The following JMJD1C variants were observed in gnomAD, a reference collection of about 807,000 sequenced individuals.
The protein encoded by JMJD1C is jumonji domain-containing protein 1C.
JMJD1C carries 31 observed loss-of-function variants against 245.3 expected under a neutral mutation model. The observed-to-expected ratio is 0.13, with a 90% CI of 0.09 to 0.17. The LOEUF (loss-of-function observed/expected upper bound fraction) is 0.17. Among genes scored for constraint, JMJD1C ranks in the 10% least tolerant of loss-of-function variants. The pLI is 1.00. For synonymous variants in JMJD1C, 1,057 were observed against 1,017.4 expected (o/e 1.04, Z -0.74); for missense variants, 2,691 against 3,000.2 (o/e 0.90, Z 2.41).
At chr10:63,297,848 T>G (rs1351791045) in intron 2 of JMJD1C, among the ~76,000 whole-genome samples, 6 of 152,020 alleles carry the variant, frequency 3.9e-5, no homozygotes, top group African/African-American at 1.4e-4. Flanking sequence ...ACACTGCAGG[T>G]GACGAGAAAG....
chr10:63,287,696 T>C (rs946891176), intron 2 of JMJD1C, among the ~76,000 whole-genome samples: 4 of 152,156 alleles, frequency 2.6e-5, no homozygotes, highest in African/African-American at 9.7e-5. Flanking sequence ...ACCCTGTAAT[T>C]ATTTGCAAAT....
chr10:63,265,821 A>G lies in JMJD1C; in HGVS notation c.334-1057T>C, dbSNP rs1239329995. 2.6e-5 allele frequency among the ~76,000 whole-genome samples: 4 copies of G among 152,206 alleles called. No individual in the cohort carries two copies. In the East Asian group the frequency reaches 7.7e-4, roughly 29 times the overall value. ...TTGTGTTAATATTTCCACACAAAAC[A>G]AAGATTTTGGCATAGACAGTACAAA... On this transcript the variant is annotated intron_variant, in intron 2 of 25. Transcript: ENST00000399262.
intron 1 of JMJD1C, among the ~76,000 whole-genome samples, chr10:63,497,351 C>T (rs1954396527): frequency 6.6e-6 from 1 of 152,154 alleles, no homozygotes. Flanking sequence ...AATGAAGTAC[C>T]AATAAATGCT....
intron 2 of JMJD1C, among the ~76,000 whole-genome samples, chr10:63,307,380 G>C (rs554093877): frequency 6.6e-6 from 1 of 152,144 alleles, no homozygotes; most frequent in East Asian, 1.9e-4. Flanking sequence ...AGTAGGTTTA[G>C]GTTTCCAGGT....
chr10:63,292,212 G>A (rs73292326), intron 2 of JMJD1C, among the ~76,000 whole-genome samples: 1 of 131,706 alleles, frequency 7.6e-6, no homozygotes, highest in African/African-American at 2.8e-5. Context: ...TCCCACCTCA[G>A]CTTCCCATAG....
At chr10:63,382,669 G>C in intron 1 of JMJD1C, 1 of 383,316 alleles carries the variant, frequency 2.6e-6, no homozygotes. Flanking sequence ...AACTGAAGCT[G>C]ACTCTATGCT....
intron 3 of JMJD1C, among the ~76,000 whole-genome samples, chr10:63,247,110 A>C (rs958100579): frequency 7.1e-6 from 1 of 141,220 alleles, no homozygotes; most frequent in Non-Finnish European, 1.6e-5. Context: ...GACAAAAAAA[A>C]CAAAAACAAA....
chr10:63,446,668 T>G (rs3956911), intron 1 of JMJD1C, among the ~76,000 whole-genome samples: 2,948 of 152,224 alleles, frequency 0.019, 97 homozygotes, highest in African/African-American at 0.065. Flanking sequence ...ATAAACAAAG[T>G]ACTTGAAGGA....
chr10:63,337,646 G>C (rs554760182), intron 2 of JMJD1C, among the ~76,000 whole-genome samples: 2 of 103,528 alleles, frequency 1.9e-5, no homozygotes, highest in African/African-American at 3.5e-5. Flanking sequence ...AAAAAAATCC[G>C]CTATTGTTCC....
At chr10:63,188,056 C>CA (rs772467343) in intron 18 of JMJD1C, among the ~76,000 whole-genome samples, 132 of 152,258 alleles carry the variant, frequency 8.7e-4, no homozygotes, top group Middle Eastern at 3.4e-3. Context: ...GTCCACCTAG[C>CA]AAAAAACTTC....
intron 1 of JMJD1C, among the ~76,000 whole-genome samples, chr10:63,380,750 G>C (rs940619180): frequency 6.6e-6 from 1 of 152,050 alleles, no homozygotes; most frequent in Non-Finnish European, 1.5e-5. Flanking sequence ...CTGTGCTATC[G>C]AACACTAGCA....
chr10:63,386,196 G>C (rs2134550137), intron 1 of JMJD1C, among the ~76,000 whole-genome samples: 1 of 152,222 alleles, frequency 6.6e-6, no homozygotes, highest in South Asian at 2.1e-4. Flanking sequence ...CCCTAGCAGT[G>C]GGGTAACTAG....
intron 2 of JMJD1C, among the ~76,000 whole-genome samples, chr10:63,299,819 C>T (rs1333287267): frequency 1.3e-5 from 2 of 151,776 alleles, no homozygotes; most frequent in Non-Finnish European, 1.5e-5. Flanking sequence ...GATGATTTTG[C>T]CTTGGAAAAT....
intron 2 of JMJD1C, among the ~76,000 whole-genome samples, chr10:63,379,951 T>G (rs898809258): frequency 6.6e-6 from 1 of 152,062 alleles, no homozygotes; most frequent in African/African-American, 2.4e-5. Flanking sequence ...TCTTTTTTTT[T>G]TTGTTAAGAG....
intron 3 of JMJD1C, 96 bp from the exon 4 acceptor site, chr10:63,220,079 T>A: frequency 1.2e-6 from 1 of 836,382 alleles, no homozygotes; most frequent in Non-Finnish European, 1.9e-6. Context: ...CTGAATAAAA[T>A]TCCTTTGATC....
intron 2 of JMJD1C, among the ~76,000 whole-genome samples, chr10:63,356,484 A>G (rs1944854049): frequency 6.6e-6 from 1 of 152,228 alleles, no homozygotes; most frequent in East Asian, 1.9e-4. Flanking sequence ...TGAAATCCCT[A>G]GTGGACCGGA....
intron 1 of JMJD1C, among the ~76,000 whole-genome samples, chr10:63,419,076 CAA>C (rs34710445): frequency 1.5e-4 from 15 of 103,330 alleles, no homozygotes; most frequent in Admixed American, 4.2e-4. Flanking sequence ...GACTCCATCT[CAA>C]AAAAAAAAAA....
chr10:63,446,545 C>T (rs997229043), intron 1 of JMJD1C, among the ~76,000 whole-genome samples: 1 of 152,086 alleles, frequency 6.6e-6, no homozygotes, highest in Non-Finnish European at 1.5e-5. Flanking sequence ...CTAGAAAAGA[C>T]GTCCAAGAAA....
intron 2 of JMJD1C, among the ~76,000 whole-genome samples, chr10:63,321,126 G>C (rs1485496367): frequency 1.3e-5 from 2 of 152,250 alleles, no homozygotes; most frequent in Non-Finnish European, 2.9e-5. Context: ...CCACAGGGAT[G>C]AAAGTTCCTG....
Sources: allele counts gnomAD v4.1 joint callset (sites outside exome capture counted in the v4.1 genomes callset), GRCh38; gene constraint gnomAD v4.1.1; transcripts MANE v1.5; gene names NCBI Gene and HGNC (gene_info 2026-07-23, HGNC 2026-07-21).